The following HIF1A variants were observed in gnomAD, a reference collection of about 807,000 sequenced individuals.
HIF1A encodes the protein hypoxia-inducible factor 1-alpha.
Under a neutral mutation model 92.7 loss-of-function variants are expected in HIF1A, and 24 were observed. That is an observed-to-expected ratio of 0.26 (90% CI 0.19 to 0.36). The LOEUF is 0.36. Among genes scored for constraint, HIF1A ranks in the 10% least tolerant of loss-of-function variants. HIF1A has a pLI of 1.00. For synonymous variants in HIF1A, 319 were observed against 338.7 expected (o/e 0.94, Z 0.64); for missense variants, 799 against 998.5 (o/e 0.80, Z 2.69).
intron 10 of HIF1A, among the ~76,000 whole-genome samples, 191 bp downstream of exon 10, chr14:61,738,564 A>T (rs191677865): frequency 2.1e-4 from 32 of 152,380 alleles, no homozygotes; most frequent in Non-Finnish European, 4.3e-4. Context: ...TTAGGCTCAA[A>T]GATAGTCAGG....
In HIF1A at chr14:61,745,730, A is replaced by AC; in HGVS notation, c.2243dup (p.Ser749IlefsTer13). ...GCAGCCAGACGATCATGCAGCTACT[A>AC]CATCACTTTCTTGGAAACGTGTAAA... On this transcript the variant is annotated frameshift_variant, in exon 14 of 15. Transcript: ENST00000337138. LOFTEE classifies it high-confidence loss of function. The AC allele has an allele frequency of 6.2e-7, 1 of 1,612,318 alleles. No homozygotes were observed. The highest frequency in any genetic ancestry group is 8.5e-7 in the Non-Finnish European group (1 of 1,178,374).
Position 61,747,692 on chromosome 14 carries a change from T to C in HIF1A, c.*607T>C, listed in dbSNP as rs2044811496. 6.6e-6 allele frequency: 1 copy of C among 152,632 alleles called. No individual in the cohort carries two copies. The highest frequency in any genetic ancestry group is 2.1e-4 in the South Asian group (1 of 4,832). 9.5% of individuals were successfully genotyped at this position (152,632 alleles called of 1,614,324 possible). ...ACATTGTTAATCATATAATAATGAT[T>C]CTTAAATGCTGTATGGTTTATTATT... On this transcript the variant is annotated 3_prime_UTR_variant, in exon 15 of 15. Coordinates refer to ENST00000337138, the MANE Select transcript of HIF1A (RefSeq NM_001530.4).
intron 12 of HIF1A, among the ~76,000 whole-genome samples, chr14:61,743,860 G>GGT (rs1422441724): frequency 1.3e-5 from 2 of 152,176 alleles, no homozygotes; most frequent in Admixed American, 1.3e-4. Flanking sequence ...GGGGAGGGGA[G>GGT]GTAGGGATCT....
chr14:61,712,661 A>C (rs1004784490), intron 1 of HIF1A, among the ~76,000 whole-genome samples: 1 of 150,892 alleles, frequency 6.6e-6, no homozygotes, highest in Non-Finnish European at 1.5e-5. Context: ...TAATAGTACT[A>C]ACATTGATAT....
chr14:61,700,175 C>T (rs2044162703), intron 1 of HIF1A, among the ~76,000 whole-genome samples: 1 of 151,940 alleles, frequency 6.6e-6, no homozygotes, highest in African/African-American at 2.4e-5. Flanking sequence ...AAAACATTAA[C>T]CTAAAATTTA....
chr14:61,708,258 G>A (rs1566561864), intron 1 of HIF1A, among the ~76,000 whole-genome samples: 1 of 152,026 alleles, frequency 6.6e-6, no homozygotes, highest in Non-Finnish European at 1.5e-5. Flanking sequence ...TAGGTTGCCT[G>A]TTCACTCTGA....
chr14:61,718,274 A>T (rs2044385835), intron 1 of HIF1A, among the ~76,000 whole-genome samples: 1 of 152,212 alleles, frequency 6.6e-6, no homozygotes, highest in Admixed American at 6.5e-5. Context: ...GTAACAAAGA[A>T]CGCCTGGAAT....
At chr14:61,697,230 A>G (rs995833523) in intron 1 of HIF1A, among the ~76,000 whole-genome samples, 6 of 152,200 alleles carry the variant, frequency 3.9e-5, no homozygotes, top group Middle Eastern at 3.2e-3. Context: ...TACAGCAGAG[A>G]AGGTCACTTA....
At position 61,738,188 on chromosome 14, in the gene HIF1A, T is replaced by G; in HGVS notation, c.1351T>G (p.Ser451Ala). 1 of 1,614,050 alleles carries G rather than the reference T, an allele frequency of 6.2e-7. No individual in the cohort carries two copies. The highest frequency in any genetic ancestry group is 8.5e-7 in the Non-Finnish European group (1 of 1,179,948). Reference protein sequence around the residue: ...EKLQNINLAMSPLPTAETPKP... With the variant: ...EKLQNINLAMAPLPTAETPKP... ...ATTACAGAATATAAATTTGGCAATG[T>G]CTCCATTACCCACCGCTGAAACGCC... Residue 451 changes from serine to alanine, a missense_variant, in exon 10 of 15, where the codon TCT becomes GCT. Physicochemically the swap from Ser to Ala is moderately conservative, Grantham distance 99 (BLOSUM62 1). Around this residue, in one of 2 missense-constraint regions of HIF1A, gnomAD observed 516 missense variants for 721.0 expected, o/e 0.72. Coordinates refer to ENST00000337138, the MANE Select transcript of HIF1A (RefSeq NM_001530.4).
At position 61,740,935 on chromosome 14, in the gene HIF1A, G is replaced by A; in HGVS notation, c.1840G>A (p.Ala614Thr). 1 of 1,614,102 alleles carries A rather than the reference G, an allele frequency of 6.2e-7. No individual in the cohort carries two copies. Among genetic ancestry groups the A allele is most frequent in the East Asian group, 2.2e-5 (1 of 44,874 alleles). The change falls in exon 12 of 15, where the codon GCC becomes ACC. Residue 614 changes from alanine to threonine, a missense_variant. Transcript: ENST00000337138. ...QTQIQEPTAN[A>T]TTTTATTDEL... Reference sequence around the variant, plus strand: ...TCAAATACAAGAACCTACTGCTAATGCCACCACTACCACTGCCACCACTGA... The same window carrying A: ...TCAAATACAAGAACCTACTGCTAATACCACCACTACCACTGCCACCACTGA...
chr14:61,735,893 CACA>C (rs1028683198), intron 8 of HIF1A, among the ~76,000 whole-genome samples: 2 of 152,164 alleles, frequency 1.3e-5, no homozygotes, highest in South Asian at 2.1e-4. Flanking sequence ...TGTGTGTCAG[CACA>C]ACAATTCTGA....
intron 12 of HIF1A, among the ~76,000 whole-genome samples, chr14:61,744,262 C>T (rs939858849): frequency 4.6e-5 from 7 of 152,118 alleles, no homozygotes; most frequent in Non-Finnish European, 5.9e-5. Context: ...CAGGTGCTCA[C>T]GCCTGTAATC....
chr14:61,747,096 A>G lies in HIF1A; in HGVS notation c.*11A>G. 1 of 1,596,160 alleles carries G rather than the reference A, an allele frequency of 6.3e-7. No individual in the cohort carries two copies. ...GATCAAGTTAACTGAGCTTTTTCTT[A>G]ATTTCATTCCTTTTTTTGGACACTG... On this transcript the variant is annotated 3_prime_UTR_variant, in exon 15 of 15. Transcript: ENST00000337138.
intron 12 of HIF1A, among the ~76,000 whole-genome samples, chr14:61,742,885 CAAAAAA>C (rs766112676): frequency 0.039 from 641 of 16,596 alleles, 9 homozygotes; most frequent in Middle Eastern, 0.083. Flanking sequence ...AACTCGGTTT[CAAAAAA>C]AAAAAAAAAA....
chr14:61,698,023 T>C, intron 1 of HIF1A: 3 of 770,012 alleles, frequency 3.9e-6, no homozygotes, highest in East Asian at 6.4e-5. Flanking sequence ...GGGCTGAACT[T>C]ATTTAATAGC....
intron 6 of HIF1A, among the ~76,000 whole-genome samples, chr14:61,728,019 CAAAAA>C (rs61241012): frequency 7.0e-6 from 1 of 143,348 alleles, no homozygotes; most frequent in Non-Finnish European, 1.5e-5. Context: ...ACTCCCATTT[CAAAAA>C]AAAAAAAAAA....
At chr14:61,741,565 C>T (rs1258123292) in intron 12 of HIF1A, among the ~76,000 whole-genome samples, 1 of 151,856 alleles carries the variant, frequency 6.6e-6, no homozygotes, top group African/African-American at 2.4e-5. Context: ...GACAGGGTTT[C>T]TCCACGTTGG....
chr14:61,717,732 T>C (rs2044379441), intron 1 of HIF1A, among the ~76,000 whole-genome samples: 1 of 152,134 alleles, frequency 6.6e-6, no homozygotes, highest in Admixed American at 6.6e-5. Flanking sequence ...TTAGCTTGAT[T>C]GGATACCCTT....
At chr14:61,711,249 G>A (rs889607492) in intron 1 of HIF1A, among the ~76,000 whole-genome samples, 2 of 110,698 alleles carry the variant, frequency 1.8e-5, no homozygotes, top group African/African-American at 7.6e-5. Context: ...GTCTTGCTCT[G>A]TCTGGAGTGC....
Sources: allele counts gnomAD v4.1 joint callset (sites outside exome capture counted in the v4.1 genomes callset), GRCh38; gene constraint gnomAD v4.1.1; regional missense constraint gnomAD v4.1.1; transcripts MANE v1.5; gene names NCBI Gene and HGNC (gene_info 2026-07-23, HGNC 2026-07-21).